Variants in TMEM230 observed in about 807,000 individuals in gnomAD.
TMEM230 encodes transmembrane protein 230.
TMEM230 carries 10 observed loss-of-function variants against 15.8 expected under a neutral mutation model. The ratio of observed to expected loss-of-function variants is 0.63; its 90% CI spans 0.39 to 1.07. TMEM230 has a LOEUF of 1.07. Among genes scored for constraint, TMEM230 ranks in the 50% least tolerant of loss-of-function variants. TMEM230 has a pLI of 0.01. For missense variants in TMEM230, 165 were observed against 193.3 expected (o/e 0.85, Z 0.87); for synonymous variants, 67 against 76.9 (o/e 0.87, Z 0.68).
At chr20:5,094,688 G>C (rs1192637460) in intron 3 of TMEM230, among the ~76,000 whole-genome samples, 2 of 117,358 alleles carry the variant, frequency 1.7e-5, no homozygotes, top group African/African-American at 6.6e-5. Flanking sequence ...GCCTGGGACA[G>C]AGCTAGACTC....
Position 5,082,922 on chromosome 20 carries a change from G to GT in TMEM230, c.223-13574dup, listed in dbSNP as rs140284230. On this transcript the variant is annotated intron_variant, in intron 3 of 3. Transcript: ENST00000612323. ...GCATTTGTGATTAATTCTTCATATT[G>GT]TTTTTTTTTTTTTTTTCTTTTTCAG... is the stretch of plus-strand genomic sequence containing the variant. Among the ~76,000 whole-genome samples the GT allele has an allele frequency of 2.2e-3, 282 of 127,232 alleles. 2 individuals carry two copies. The highest frequency in any genetic ancestry group is 2.0e-3 in the Non-Finnish European group (124 of 60,770). The allele number at this position is 127,232 out of a possible 152,430, so 83.5% of individuals were successfully genotyped here. A position where few individuals can be genotyped will look rare whatever the true frequency, so the allele number is the denominator to read the frequency against.
Position 5,100,399 on chromosome 20 carries a change from T to C in TMEM230, c.*392A>G. 1.0e-6 allele frequency: 1 copy of C among 990,462 alleles called. No individual in the cohort carries two copies. The highest frequency in any genetic ancestry group is 1.2e-6 in the Non-Finnish European group (1 of 832,134). 61.4% of individuals were successfully genotyped at this position (990,462 alleles called of 1,614,324 possible). On this transcript the variant is annotated 3_prime_UTR_variant, in exon 5 of 5. Transcript: ENST00000342308. Reference sequence around the variant, plus strand: ...ATAATATACTCAGATATTTTTAAAATAAATTACTTAATAATAAGAAATTAG... The same window carrying C: ...ATAATATACTCAGATATTTTTAAAACAAATTACTTAATAATAAGAAATTAG...
chr20:5,095,241 G>A (rs2089632426), downstream of TMEM230, among the ~76,000 whole-genome samples: 1 of 152,164 alleles, frequency 6.6e-6, no homozygotes, highest in Non-Finnish European at 1.5e-5. Context: ...ACCCACGGAT[G>A]GAGGCAAGCC....
At chr20:5,079,386 C>A (rs1420811016) in intron 3 of TMEM230, among the ~76,000 whole-genome samples, 3 of 152,222 alleles carry the variant, frequency 2.0e-5, no homozygotes, top group African/African-American at 7.2e-5. Context: ...AGATAGATTT[C>A]AGAACCACTT....
intron 4 of TMEM230, among the ~76,000 whole-genome samples, chr20:5,103,080 T>C (rs1186541706): frequency 3.3e-5 from 5 of 152,180 alleles, no homozygotes; most frequent in South Asian, 2.1e-4. Context: ...AAATTCTACA[T>C]CCACCGGGTG....
At chr20:5,069,322 T>C in exon 4 of TMEM230, 1 of 1,535,674 alleles carries the variant, frequency 6.5e-7, no homozygotes, top group South Asian at 1.2e-5. Context: ...TCAGCTTTCT[T>C]TTGTTCCCGT....
intron 4 of TMEM230, 44 bp downstream of exon 3, chr20:5,106,144 T>C (rs1373069047): frequency 2.5e-6 from 4 of 1,579,294 alleles, no homozygotes; most frequent in Non-Finnish European, 3.4e-6. Flanking sequence ...TTGGCTAACA[T>C]TTTAAAAATC....
chr20:5,109,304 A>G, intron 3 of TMEM230, 28 bp downstream of exon 2: 1 of 1,554,552 alleles, frequency 6.4e-7, no homozygotes, highest in Non-Finnish European at 8.8e-7. Flanking sequence ...ACAGCCAGTC[A>G]GTCTTGTCAG....
downstream of TMEM230, chr20:5,099,698 G>T: frequency 3.7e-6 from 1 of 270,452 alleles, no homozygotes; most frequent in Non-Finnish European, 5.6e-6. Flanking sequence ...CAACTCAGCT[G>T]ATGGCATGTC....
intron 3 of TMEM230, among the ~76,000 whole-genome samples, chr20:5,076,404 G>T (rs2088996364): frequency 6.6e-6 from 1 of 151,872 alleles, no homozygotes. Flanking sequence ...ACCCAGGCAT[G>T]GTGGCGGGCG....
chr20:5,099,973 C>A lies in TMEM230; in HGVS notation c.*818G>T. On this transcript the variant is annotated 3_prime_UTR_variant, in exon 5 of 5. Coordinates refer to ENST00000342308, the MANE Select transcript of TMEM230 (RefSeq NM_001009923.2). ...AACTAAGGTGATCTAGTCCTCTAGG[C>A]ATCCAGGCTGATCCTTGGAATCATG... 2.0e-6 allele frequency: 2 copies of A among 985,394 alleles called. No homozygotes were observed. The highest frequency in any genetic ancestry group is 3.5e-5 in the African/African-American group (2 of 57,344). The allele number at this position is 985,394 out of a possible 1,614,324, so 61.0% of individuals were successfully genotyped here. A position where few individuals can be genotyped will look rare whatever the true frequency, so the allele number is the denominator to read the frequency against.
At chr20:5,102,443 C>G (rs185776361) in intron 4 of TMEM230, among the ~76,000 whole-genome samples, 207 of 152,200 alleles carry the variant, frequency 1.4e-3, no homozygotes, top group East Asian at 7.1e-3. Flanking sequence ...GTAATCCCAG[C>G]ACTTTGGGAG....
intron 3 of TMEM230, among the ~76,000 whole-genome samples, chr20:5,091,010 A>AT (rs201522230): frequency 1.3e-5 from 2 of 151,624 alleles, no homozygotes; most frequent in East Asian, 1.9e-4. Flanking sequence ...GCCTTGTTGA[A>AT]TTTTTTTTTA....
intron 3 of TMEM230, 24 bp downstream of exon 2, chr20:5,109,308 T>C: frequency 1.9e-6 from 3 of 1,577,976 alleles, no homozygotes; most frequent in East Asian, 2.2e-5. Context: ...CCAGTCAGTC[T>C]TGTCAGTTCT....
chr20:5,084,344 C>T (rs1427414269), intron 3 of TMEM230, among the ~76,000 whole-genome samples: 1 of 150,920 alleles, frequency 6.6e-6, no homozygotes, highest in Non-Finnish European at 1.5e-5. Context: ...CTGCCTCAGC[C>T]CCCTGAGTAA....
chr20:5,097,467 G>A (rs1002742952), downstream of TMEM230, among the ~76,000 whole-genome samples: 2 of 152,124 alleles, frequency 1.3e-5, no homozygotes, highest in East Asian at 1.9e-4. Flanking sequence ...ACTTTGGAGT[G>A]GGGAGGAGGT....
downstream of TMEM230, among the ~76,000 whole-genome samples, chr20:5,095,727 T>G (rs62200436): frequency 0.014 from 2,199 of 152,256 alleles, 26 homozygotes; most frequent in Non-Finnish European, 0.022. Context: ...GGTAGGGTTC[T>G]TGACATACAG....
At chr20:5,109,536 C>A in intron 2 of TMEM230, 91 bp from the exon 2 acceptor site, 7 of 979,456 alleles carry the variant, frequency 7.1e-6, no homozygotes, top group Non-Finnish European at 9.3e-6. Flanking sequence ...ATGCTGTGCA[C>A]TGGAGTTCTG....
At chr20:5,099,628 C>T (rs2089777403), downstream of TMEM230, among the ~76,000 whole-genome samples, 1 of 152,190 alleles carries the variant, frequency 6.6e-6, no homozygotes, top group African/African-American at 2.4e-5. Context: ...CAACTGCCTC[C>T]TCAACAGCTC....
Sources: gnomAD v4.1 joint callset for allele counts (sites outside exome capture counted in the v4.1 genomes callset) on GRCh38, gnomAD v4.1.1 for gene constraint, MANE v1.5 for transcripts, NCBI Gene and HGNC (gene_info 2026-07-23, HGNC 2026-07-21) for gene names.